The following NALCN variants were observed in gnomAD, a reference collection of about 807,000 sequenced individuals.
The protein encoded by NALCN is sodium leak channel NALCN.
In NALCN, 111 loss-of-function variants were observed where a neutral mutation model predicts 225.3. The observed-to-expected ratio is 0.49, with a 90% confidence interval of 0.42 to 0.58. The LOEUF is 0.58. NALCN is among the 20% of genes least tolerant of loss of function. The pLI, the probability that NALCN is intolerant of heterozygous loss-of-function variation, is 0.00. For missense variants in NALCN, 1,378 were observed against 2,202.4 expected (o/e 0.63, Z 7.49); for synonymous variants, 764 against 769.0 (o/e 0.99, Z 0.11).
At chr13:101,287,116 C>T (rs1431625602) in intron 9 of NALCN, among the ~76,000 whole-genome samples, 2 of 152,206 alleles carry the variant, frequency 1.3e-5, no homozygotes, top group Non-Finnish European at 2.9e-5. Context: ...CCCTTGGCTA[C>T]TGCCCCCAAT....
At chr13:101,409,016 GA>G (rs2047703626) in intron 1 of NALCN, among the ~76,000 whole-genome samples, 1 of 152,104 alleles carries the variant, frequency 6.6e-6, no homozygotes. Flanking sequence ...GTTATTTCTA[GA>G]AAAACTCCAA....
At chr13:101,063,315 C>T (rs2032111652) in intron 40 of NALCN, among the ~76,000 whole-genome samples, 2 of 152,232 alleles carry the variant, frequency 1.3e-5, no homozygotes. Flanking sequence ...CTCTTCCTCT[C>T]TTCCCTGACT....
intron 6 of NALCN, among the ~76,000 whole-genome samples, chr13:101,369,658 C>T (rs2046482393): frequency 6.6e-6 from 1 of 152,166 alleles, no homozygotes; most frequent in African/African-American, 2.4e-5. Flanking sequence ...CAGTACTACA[C>T]AGCTGCTTTC....
chr13:101,391,950 C>T (rs752632798), intron 3 of NALCN, among the ~76,000 whole-genome samples: 31 of 151,004 alleles, frequency 2.1e-4, no homozygotes, highest in Non-Finnish European at 2.1e-4. Flanking sequence ...AACCACTGCA[C>T]TCCAGCCTGG....
chr13:101,115,502 G>T (rs2035663822), intron 18 of NALCN, among the ~76,000 whole-genome samples: 1 of 152,108 alleles, frequency 6.6e-6, no homozygotes, highest in African/African-American at 2.4e-5. Context: ...CAAAATTTGA[G>T]ACTTCCAATA....
At chr13:101,309,710 G>T (rs780411606) in intron 7 of NALCN, among the ~76,000 whole-genome samples, 11 of 152,092 alleles carry the variant, frequency 7.2e-5, no homozygotes, top group Non-Finnish European at 1.3e-4. Flanking sequence ...TGTTGACTTT[G>T]TATTCTTGAC....
At chr13:101,167,323 T>C (rs1443232022) in intron 15 of NALCN, among the ~76,000 whole-genome samples, 1 of 152,250 alleles carries the variant, frequency 6.6e-6, no homozygotes, top group Non-Finnish European at 1.5e-5. Flanking sequence ...TTTAACAATA[T>C]TAAGCCTTCC....
In NALCN at chr13:101,065,419, A is replaced by T; in HGVS notation, c.4589T>A (p.Phe1530Tyr). ...ERLHNGGDVT[F>Y]HDVLSMLSYR... ...TGCCTTGTACCTCAGGACATCATGG[A>T]AGGTGACGTCGCCGCCATTGTGGAG... Residue 1530 changes from phenylalanine (F) to tyrosine (Y), a missense_variant, in exon 40 of 44, where the codon TTC (phenylalanine) becomes TAC (tyrosine). Around this residue, in one of 19 missense-constraint regions of NALCN, gnomAD observed 94 missense variants for 170.3 expected, o/e 0.55. Coordinates refer to ENST00000251127, the MANE Select transcript of NALCN (RefSeq NM_052867.4). The T allele has an allele frequency of 6.2e-7, 1 of 1,614,106 alleles. No homozygotes were observed.
intron 2 of NALCN, among the ~76,000 whole-genome samples, chr13:101,397,908 A>G (rs1176220884): frequency 6.6e-6 from 1 of 152,118 alleles, no homozygotes; most frequent in Non-Finnish European, 1.5e-5. Flanking sequence ...ATCCAGTCCT[A>G]ATGGATGAGG....
intron 15 of NALCN, among the ~76,000 whole-genome samples, chr13:101,173,766 T>A (rs2038846025): frequency 6.6e-6 from 1 of 152,180 alleles, no homozygotes; most frequent in African/African-American, 2.4e-5. Flanking sequence ...CTGGGAGTAG[T>A]AAAAATAGAG....
intron 20 of NALCN, among the ~76,000 whole-genome samples, chr13:101,108,865 T>A: frequency 6.6e-6 from 1 of 152,194 alleles, no homozygotes; most frequent in East Asian, 1.9e-4. Flanking sequence ...TTCTCTAATT[T>A]AAATCTCCCC....
intron 18 of NALCN, among the ~76,000 whole-genome samples, chr13:101,120,288 C>T (rs1051934568): frequency 6.6e-6 from 1 of 152,150 alleles, no homozygotes; most frequent in Admixed American, 6.6e-5. Context: ...TGAGCCTCTG[C>T]GTCAATATGA....
chr13:101,087,730 T>C (rs1270123995), intron 30 of NALCN, among the ~76,000 whole-genome samples: 1 of 152,208 alleles, frequency 6.6e-6, no homozygotes, highest in Non-Finnish European at 1.5e-5. Flanking sequence ...CTGGTTATTC[T>C]GCTAACCTCA....
intron 10 of NALCN, among the ~76,000 whole-genome samples, chr13:101,263,971 T>A (rs1282120021): frequency 6.6e-6 from 1 of 152,216 alleles, no homozygotes; most frequent in Non-Finnish European, 1.5e-5. Context: ...AGATTCATCC[T>A]TGTATCTACA....
chr13:101,176,520 A>G (rs906544959), intron 14 of NALCN, 146 bp from the exon 15 acceptor site: 14 of 425,240 alleles, frequency 3.3e-5, no homozygotes, highest in Non-Finnish European at 5.6e-5. Context: ...TTGCATAGGC[A>G]TTTCAAGGTA....
chr13:101,123,235 G>T (rs2036066517), intron 18 of NALCN, among the ~76,000 whole-genome samples: 1 of 152,220 alleles, frequency 6.6e-6, no homozygotes. Flanking sequence ...GCTCTGGACA[G>T]GTGAGTAAGG....
At chr13:101,378,991 C>A (rs1354990631) in intron 3 of NALCN, among the ~76,000 whole-genome samples, 1 of 152,046 alleles carries the variant, frequency 6.6e-6, no homozygotes, top group Non-Finnish European at 1.5e-5. Flanking sequence ...CAGCTCCCTG[C>A]CTACAAGAAC....
In NALCN at chr13:101,208,849, C is replaced by T. The variant is rs186752536; in HGVS notation, c.1627-16795G>A. ...TGCCATGACTGGAAGCTTGCTGAGG[C>T]CTCACAAGGAGCAGACGCTGGTGCT... On this transcript the variant is annotated intron_variant, in intron 13 of 43. Transcript: ENST00000251127. 2.0e-3 allele frequency among the ~76,000 whole-genome samples: 301 copies of T among 152,272 alleles called. 1 individual carries two copies. Among genetic ancestry groups the T allele is most frequent in the African/African-American group, 7.1e-3 (294 of 41,542 alleles).
chr13:101,304,041 C>T (rs1191744480), intron 7 of NALCN, among the ~76,000 whole-genome samples: 1 of 152,152 alleles, frequency 6.6e-6, no homozygotes. Context: ...TCTTGTTCAT[C>T]AACCAATGCA....
Sources: allele counts gnomAD v4.1 joint callset (sites outside exome capture counted in the v4.1 genomes callset), GRCh38; gene constraint gnomAD v4.1.1; regional missense constraint gnomAD v4.1.1; transcripts MANE v1.5; gene names NCBI Gene and HGNC (gene_info 2026-07-23, HGNC 2026-07-21).